WAC: variants seen among roughly 807,000 people sequenced by gnomAD.
The protein encoded by WAC is WW domain-containing adapter protein with coiled-coil.
In WAC, 11 loss-of-function variants were observed where a neutral mutation model predicts 79.6. The observed-to-expected ratio is 0.14, with a 90% confidence interval of 0.09 to 0.23. The LOEUF is 0.23. Ranked by LOEUF, WAC falls within the 10% of genes least tolerant of loss-of-function variation. The pLI is 1.00. For synonymous variants in WAC, 304 were observed against 276.9 expected, an observed-to-expected ratio of 1.10 and a Z score of -0.97; for missense variants, 728 against 773.5, an observed-to-expected ratio of 0.94 and a Z score of 0.70.
At chr10:28,592,697 T>C (rs1458420302) in intron 6 of WAC, among the ~76,000 whole-genome samples, 6 of 152,200 alleles carry the variant, frequency 3.9e-5, no homozygotes, top group Non-Finnish European at 8.8e-5. Flanking sequence ...TTTTTCTTCA[T>C]GATTTCAAAA....
At chr10:28,536,822 A>G (rs914268426) in intron 3 of WAC, among the ~76,000 whole-genome samples, 4 of 152,208 alleles carry the variant, frequency 2.6e-5, no homozygotes, top group African/African-American at 9.6e-5. Context: ...AAAGACACCT[A>G]TATTCTCTCC....
Position 28,556,388 on chromosome 10 carries a change from A to ATTTTTTTTTTTTTTTTTTTTTTT in WAC, c.274+20636_274+20658dup, listed in dbSNP as rs764934182. On this transcript the variant is annotated intron_variant, in intron 3 of 13. Coordinates refer to ENST00000354911, the MANE Select transcript of WAC (RefSeq NM_016628.5). ...TAGATTCAATTTCGTTGCCCATTAAATTTTTTTTTTTTTTTTTTTTTTTTT... is the reference window on the plus strand; with the variant it reads ...TAGATTCAATTTCGTTGCCCATTAAATTTTTTTTTTTTTTTTTTTTTTTTTTTTTTTTTTTTTTTTTTTTTTTT... 1.8e-4 allele frequency among the ~76,000 whole-genome samples: 10 copies of ATTTTTTTTTTTTTTTTTTTTTTT among 55,090 alleles called. 1 individual carries two copies. The highest frequency in any genetic ancestry group is 6.3e-4 in the East Asian group (1 of 1,596). 36.1% of individuals were successfully genotyped at this position (55,090 alleles called of 152,430 possible).
chr10:28,602,062 G>T (rs1185621425), intron 7 of WAC, among the ~76,000 whole-genome samples: 1 of 152,158 alleles, frequency 6.6e-6, no homozygotes, highest in African/African-American at 2.4e-5. Flanking sequence ...CTTTACCAGG[G>T]TAAAAACAAT....
At chr10:28,605,149 C>T (rs1481550901) in intron 7 of WAC, among the ~76,000 whole-genome samples, 1 of 152,130 alleles carries the variant, frequency 6.6e-6, no homozygotes, top group African/African-American at 2.4e-5. Context: ...CGCTTCTGTC[C>T]CTGATCGTAT....
intron 3 of WAC, among the ~76,000 whole-genome samples, chr10:28,543,144 G>A (rs1837154752): frequency 6.6e-6 from 1 of 152,114 alleles, no homozygotes; most frequent in South Asian, 2.1e-4. Flanking sequence ...AGTAATTCTG[G>A]GGTGGGTCCC....
chr10:28,610,939 T>C (rs1322682554), intron 9 of WAC, 118 bp downstream of exon 9: 1 of 1,182,290 alleles, frequency 8.5e-7, no homozygotes, highest in Non-Finnish European at 1.1e-6. Flanking sequence ...TTTAAGAGAT[T>C]AGCTACAATA....
At chr10:28,571,695 G>A (rs1450327224) in intron 3 of WAC, among the ~76,000 whole-genome samples, 1 of 152,192 alleles carries the variant, frequency 6.6e-6, no homozygotes, top group Non-Finnish European at 1.5e-5. Context: ...ATTGAGAGGT[G>A]AGTTCCATGT....
At chr10:28,587,106 G>A (rs1247836862) in intron 4 of WAC, among the ~76,000 whole-genome samples, 3 of 151,976 alleles carry the variant, frequency 2.0e-5, no homozygotes, top group Non-Finnish European at 4.4e-5. Context: ...GGGGAAGAAC[G>A]GAAAGGAAAG....
intron 3 of WAC, among the ~76,000 whole-genome samples, chr10:28,573,715 A>G (rs1031470153): frequency 6.6e-5 from 10 of 152,302 alleles, no homozygotes; most frequent in Middle Eastern, 3.4e-3. Context: ...AGTTTTATTT[A>G]TGTGTAATTC....
intron 4 of WAC, among the ~76,000 whole-genome samples, chr10:28,585,045 G>A (rs982873626): frequency 2.0e-5 from 3 of 152,096 alleles, no homozygotes; most frequent in Non-Finnish European, 4.4e-5. Context: ...TCCAGCCTGG[G>A]TGACAGAGCA....
intron 3 of WAC, among the ~76,000 whole-genome samples, chr10:28,570,241 T>C (rs1838872247): frequency 6.6e-6 from 1 of 152,260 alleles, no homozygotes. Context: ...GAGTGGAGGC[T>C]AGAGTAATTT....
At chr10:28,568,397 T>C (rs1465791830) in intron 3 of WAC, among the ~76,000 whole-genome samples, 1 of 152,172 alleles carries the variant, frequency 6.6e-6, no homozygotes, top group African/African-American at 2.4e-5. Context: ...TGTTGTTGTT[T>C]TGAGATGGAG....
At chr10:28,533,825 C>T (rs1000713421) in intron 1 of WAC, 173 bp from the exon 2 acceptor site, 79 of 998,396 alleles carry the variant, frequency 7.9e-5, no homozygotes, top group African/African-American at 2.2e-4. Context: ...GGCATTTCGC[C>T]CTCTCCGGCC....
intron 3 of WAC, among the ~76,000 whole-genome samples, chr10:28,582,357 A>T (rs1249201592): frequency 6.6e-6 from 1 of 151,302 alleles, no homozygotes; most frequent in Non-Finnish European, 1.5e-5. Flanking sequence ...TCACTTGGAT[A>T]TCTAAAACCT....
At chr10:28,619,390 C>G in intron 13 of WAC, 147 bp from the exon 14 acceptor site, 1 of 597,810 alleles carries the variant, frequency 1.7e-6, no homozygotes, top group Non-Finnish European at 2.8e-6. Context: ...AACTGTAAAC[C>G]AATTTATAGT....
intron 3 of WAC, among the ~76,000 whole-genome samples, chr10:28,552,679 G>C (rs928067882): frequency 4.6e-5 from 7 of 151,912 alleles, no homozygotes. Context: ...TTTTGGGTTT[G>C]GATATTATGT....
rs1588628036 is a variant in WAC at position 28,621,843 on chromosome 10, A to T, written c.*2237A>T. On this transcript the variant is annotated 3_prime_UTR_variant, in exon 14 of 14. Coordinates refer to ENST00000354911, the MANE Select transcript of WAC (RefSeq NM_016628.5). ...CTAAATGAATTAGTCACATATATTT[A>T]GGAGAAGATGCCTAATTTGGTATTT... 1 of 152,348 alleles carries T rather than the reference A, an allele frequency of 6.6e-6. No individual in the cohort carries two copies. Among genetic ancestry groups the T allele is most frequent in the East Asian group, 1.9e-4 (1 of 5,186 alleles). The allele number at this position is 152,348 out of a possible 1,614,324, so 9.4% of individuals were successfully genotyped here. A position where few individuals can be genotyped will look rare whatever the true frequency, so the allele number is the denominator to read the frequency against.
intron 3 of WAC, among the ~76,000 whole-genome samples, chr10:28,565,009 C>A (rs930637890): frequency 1.3e-5 from 2 of 152,232 alleles, no homozygotes; most frequent in Non-Finnish European, 2.9e-5. Flanking sequence ...CCTTCCATAA[C>A]CCTTAGTAAC....
chr10:28,601,911 G>A (rs187975654), intron 7 of WAC, among the ~76,000 whole-genome samples: 35 of 152,252 alleles, frequency 2.3e-4, no homozygotes, highest in Admixed American at 1.7e-3. Context: ...GGGTGGGAGT[G>A]GGTGTTAAGT....
Sources: gnomAD v4.1 joint callset for allele counts (sites outside exome capture counted in the v4.1 genomes callset) on GRCh38, gnomAD v4.1.1 for gene constraint, MANE v1.5 for transcripts, NCBI Gene and HGNC (gene_info 2026-07-23, HGNC 2026-07-21) for gene names.